Variants in LRRIQ1 observed in about 807,000 individuals in gnomAD.
The protein encoded by LRRIQ1 is leucine-rich repeat- and IQ domain-containing protein 1.
Under a neutral mutation model 211.9 loss-of-function variants are expected in LRRIQ1, and 210 were observed. The ratio of observed to expected loss-of-function variants is 0.99; its 90% CI spans 0.89 to 1.11. The LOEUF (loss-of-function observed/expected upper bound fraction) is 1.11. Among genes scored for constraint, LRRIQ1 ranks in the 50% most tolerant of loss-of-function variants. The pLI is 0.00. For missense variants in LRRIQ1, 2,136 were observed against 1,939.5 expected, an observed-to-expected ratio of 1.10 and a Z score of -1.90; for synonymous variants, 699 against 650.1, an observed-to-expected ratio of 1.08 and a Z score of -1.14.
At chr12:85,080,205 GA>G (rs2136158229) in intron 11 of LRRIQ1, among the ~76,000 whole-genome samples, 1 of 151,862 alleles carries the variant, frequency 6.6e-6, no homozygotes, top group Non-Finnish European at 1.5e-5. Flanking sequence ...GTTGATCCTT[GA>G]AATATAATTT....
At chr12:85,104,123 T>A (rs1346018226) in intron 14 of LRRIQ1, 46 bp downstream of exon 14, 5 of 1,031,382 alleles carry the variant, frequency 4.8e-6, no homozygotes, top group Non-Finnish European at 6.6e-6. Flanking sequence ...ACTTTTGACT[T>A]TCTGTTTCAA....
At chr12:85,102,526 T>C (rs1886420199) in intron 13 of LRRIQ1, among the ~76,000 whole-genome samples, 1 of 151,724 alleles carries the variant, frequency 6.6e-6, no homozygotes, top group Non-Finnish European at 1.5e-5. Context: ...CCAGCCTCAT[T>C]ATATCATCTA....
chr12:85,158,155 T>A (rs2136707092), intron 23 of LRRIQ1, among the ~76,000 whole-genome samples: 1 of 151,994 alleles, frequency 6.6e-6, no homozygotes, highest in East Asian at 1.9e-4. Context: ...GTAAAATCCT[T>A]GAGGGCTGAA....
At chr12:85,249,543 A>T (rs908117132), downstream of LRRIQ1, among the ~76,000 whole-genome samples, 6 of 151,894 alleles carry the variant, frequency 4.0e-5, no homozygotes, top group African/African-American at 1.4e-4. Flanking sequence ...GATAGTAAGC[A>T]GTTACATACC....
At chr12:85,115,798 TTTA>T (rs1245560476) in intron 15 of LRRIQ1, among the ~76,000 whole-genome samples, 2 of 152,172 alleles carry the variant, frequency 1.3e-5, no homozygotes, top group Non-Finnish European at 2.9e-5. Flanking sequence ...TGTATTTATT[TTTA>T]TTGTTTGGAG....
At chr12:85,268,966 CATA>C (rs1289682563), downstream of LRRIQ1, among the ~76,000 whole-genome samples, 3 of 151,872 alleles carry the variant, frequency 2.0e-5, no homozygotes, top group African/African-American at 7.2e-5. Flanking sequence ...GGTTTCTAAT[CATA>C]ATGGGCAGGG....
chr12:85,192,355 T>A (rs1565893784), intron 24 of LRRIQ1, among the ~76,000 whole-genome samples: 1 of 143,040 alleles, frequency 7.0e-6, no homozygotes, highest in Non-Finnish European at 1.5e-5. Context: ...TTTTTATGGC[T>A]CTGTACTCTT....
At chr12:85,265,969 CAA>C (rs550130758), downstream of LRRIQ1, among the ~76,000 whole-genome samples, 13 of 152,004 alleles carry the variant, frequency 8.6e-5, no homozygotes, top group South Asian at 1.2e-3. Flanking sequence ...GTTTATAAAA[CAA>C]GAGAACTTGG....
chr12:85,271,765 A>G, the LRRIQ1 span, among the ~76,000 whole-genome samples: 7 of 152,146 alleles, frequency 4.6e-5, no homozygotes, highest in South Asian at 1.5e-3. Flanking sequence ...TTTCTTCTCT[A>G]TATTTTTTAA....
chr12:85,186,401 C>G (rs1170181069), intron 24 of LRRIQ1, among the ~76,000 whole-genome samples: 2 of 152,100 alleles, frequency 1.3e-5, no homozygotes, highest in African/African-American at 4.8e-5. Context: ...TTGGCCCATT[C>G]TCTGATATGG....
At chr12:85,178,882 C>T (rs903970819) in intron 24 of LRRIQ1, among the ~76,000 whole-genome samples, 1 of 147,658 alleles carries the variant, frequency 6.8e-6, no homozygotes, top group Non-Finnish European at 1.5e-5. Context: ...TATAGGGATA[C>T]AAAAATGAGT....
intron 3 of LRRIQ1, among the ~76,000 whole-genome samples, chr12:85,044,107 G>T (rs1473885678): frequency 6.6e-6 from 1 of 151,910 alleles, no homozygotes; most frequent in East Asian, 1.9e-4. Flanking sequence ...TGACAAAATA[G>T]GTGTGAATAA....
rs370228797 is a variant in LRRIQ1 at position 85,137,921 on chromosome 12, C to T, written c.4281C>T (p.Ser1427=). 4.9e-5 allele frequency: 75 copies of T among 1,534,840 alleles called. No homozygotes were observed. The highest frequency in any genetic ancestry group is 2.9e-4 in the African/African-American group (21 of 72,412). ...TALEAIKNEE[S]DEEYREIDLE... ...TAGAGGCTATTAAGAATGAAGAATC[C>T]GATGAAGAATACAGAGAAATAGATT... Residue 1427 remains serine, a synonymous_variant, in exon 19 of 27, where the codon TCC becomes TCT. Transcript: ENST00000393217.
Position 85,056,274 on chromosome 12 carries a change from A to C in LRRIQ1, c.1481A>C (p.Glu494Ala). The C allele has an allele frequency of 1.9e-6, 3 of 1,581,114 alleles. No homozygotes were observed. The highest frequency in any genetic ancestry group is 2.6e-6 in the Non-Finnish European group (3 of 1,171,762). ...AACCTAGCAAAAAAACGATGTTCAG[A>C]AGAATTGGTCAAGCAAGAAAGAAAA... ...NENLAKKRCS[E>A]ELVKQERKYE... The change falls in exon 8 of 27, where the codon GAA (glutamate) becomes GCA (alanine). Residue 494 changes from glutamate (E) to alanine (A), a missense_variant. Transcript: ENST00000393217.
Position 85,152,354 on chromosome 12 carries a change from G to A in LRRIQ1, c.4404G>A (p.Gln1468=), listed in dbSNP as rs2136668231. ...FPSQTLLLSN[Q]LHWPKIPGNL... is the part of the protein sequence containing the mutation. ...CACAAACACTGCTTCTTTCAAACCA[G>A]CTGCATTGGCCAAAGGTAACATGTC... The change falls in exon 20 of 27, where the codon CAG becomes CAA. Residue 1468 remains glutamine, a synonymous_variant. Coordinates refer to ENST00000393217, the MANE Select transcript of LRRIQ1 (RefSeq NM_001079910.2). 3 of 1,610,686 alleles carry A rather than the reference G, an allele frequency of 1.9e-6. No individual in the cohort carries two copies. The Admixed American group carries it at 5.0e-5, about 27-fold the overall frequency.
intron 15 of LRRIQ1, among the ~76,000 whole-genome samples, chr12:85,116,541 C>G (rs566324781): frequency 1.3e-5 from 2 of 152,230 alleles, no homozygotes; most frequent in Non-Finnish European, 2.9e-5. Flanking sequence ...TCAAAGACAG[C>G]AGTTTTCTTT....
chr12:85,264,718 A>G (rs1896386542), downstream of LRRIQ1, among the ~76,000 whole-genome samples: 1 of 152,078 alleles, frequency 6.6e-6, no homozygotes, highest in Admixed American at 6.6e-5. Flanking sequence ...TCAGGGAGGT[A>G]AAAATATGAG....
At chr12:85,063,868 CATT>C (rs1882130401) in intron 8 of LRRIQ1, among the ~76,000 whole-genome samples, 1 of 151,676 alleles carries the variant, frequency 6.6e-6, no homozygotes, top group Non-Finnish European at 1.5e-5. Context: ...GGCAGGATCT[CATT>C]GTTTTTGATG....
At chr12:85,146,374 G>A (rs1889896271) in intron 19 of LRRIQ1, among the ~76,000 whole-genome samples, 1 of 151,770 alleles carries the variant, frequency 6.6e-6, no homozygotes, top group Admixed American at 6.6e-5. Flanking sequence ...AACATCTGGG[G>A]CCATGCCCTG....
Sources: allele counts gnomAD v4.1 joint callset (sites outside exome capture counted in the v4.1 genomes callset), GRCh38; gene constraint gnomAD v4.1.1; transcripts MANE v1.5; gene names NCBI Gene and HGNC (gene_info 2026-07-23, HGNC 2026-07-21).